PVALEF: variants seen among roughly 807,000 people sequenced by gnomAD.
PVALEF encodes parvalbumin-like EF-hand-containing protein.
PVALEF carries 2 observed loss-of-function variants against 1.2 expected under a neutral mutation model. The ratio of observed to expected loss-of-function variants is 1.68; its 90% CI spans 0.69 to 5.28. PVALEF has a LOEUF of 5.28. PVALEF is among the 30% of genes most tolerant of loss of function. The pLI, the probability that PVALEF is intolerant of heterozygous loss-of-function variation, is 0.06. For synonymous variants in PVALEF, 16 were observed against 6.5 expected (o/e 2.47, Z -2.24); for missense variants, 35 against 17.7 (o/e 1.97, Z -1.75).
rs376418641 is a variant in PVALEF at position 81,165,598 on chromosome 17, C to G, written c.-657C>G. ...AGCCTGAACCCCAGCTGGCTGACAC[C>G]CCCCACACCCCCAAGGGCCCTTAGT... is the stretch of plus-strand genomic sequence containing the variant. On this transcript the variant is annotated 5_prime_UTR_variant, in exon 1 of 7. Transcript: ENST00000637878. 8.7e-6 allele frequency: 12 copies of G among 1,380,254 alleles called. No homozygotes were observed. The African/African-American group carries it at 1.6e-4, about 18-fold the overall frequency. The allele number at this position is 1,380,254 out of a possible 1,614,324, so 85.5% of individuals were successfully genotyped here.
At chr17:81,179,866 T>C (rs2061547791) in intron 3 of PVALEF, among the ~76,000 whole-genome samples, 1 of 152,128 alleles carries the variant, frequency 6.6e-6, no homozygotes, top group African/African-American at 2.4e-5. Flanking sequence ...CCAGGATCTC[T>C]AGCTGTGGAG....
intron 2 of PVALEF, among the ~76,000 whole-genome samples, chr17:81,174,265 C>T (rs540825192): frequency 1.3e-5 from 2 of 152,246 alleles, no homozygotes; most frequent in East Asian, 1.9e-4. Context: ...CACTCCTGTT[C>T]AACATAGTAC....
intron 2 of PVALEF, among the ~76,000 whole-genome samples, chr17:81,171,693 T>C (rs941757376): frequency 6.6e-6 from 1 of 152,032 alleles, no homozygotes; most frequent in Non-Finnish European, 1.5e-5. Context: ...GGGGTTTCAC[T>C]GTGTTAGCCA....
intron 2 of PVALEF, among the ~76,000 whole-genome samples, chr17:81,171,669 G>T (rs2089345): frequency 0.4 from 60,074 of 151,608 alleles, 13,265 homozygotes; most frequent in African/African-American, 0.59. Flanking sequence ...TTTTTTTGTA[G>T]TTTTAGTAGA....
chr17:81,173,393 G>C (rs1052196949), intron 2 of PVALEF, among the ~76,000 whole-genome samples: 3 of 152,172 alleles, frequency 2.0e-5, no homozygotes, highest in African/African-American at 7.2e-5. Context: ...GGCCCAGTGG[G>C]CCACCTCCAT....
chr17:81,167,302 C>T (rs1364026373), intron 2 of PVALEF, among the ~76,000 whole-genome samples: 2 of 152,054 alleles, frequency 1.3e-5, no homozygotes, highest in East Asian at 1.9e-4. Context: ...AAAAAAGTGT[C>T]CTGGAGACTT....
At chr17:81,181,026 G>C (rs2061551796) in intron 3 of PVALEF, 97 bp from the exon 4 acceptor site, 3 of 533,964 alleles carry the variant, frequency 5.6e-6, no homozygotes, top group Non-Finnish European at 1.0e-5. Flanking sequence ...CTCTGCCTGT[G>C]CCCAGACCCC....
At chr17:81,172,147 C>T (rs1267025580) in intron 2 of PVALEF, among the ~76,000 whole-genome samples, 1 of 152,214 alleles carries the variant, frequency 6.6e-6, no homozygotes, top group Admixed American at 6.5e-5. Flanking sequence ...AGCTGAGTTA[C>T]GTTCCATTGT....
In PVALEF at chr17:81,165,601, C is replaced by T. The variant is rs570761817; in HGVS notation, c.-654C>T. ...CTGAACCCCAGCTGGCTGACACCCCCCACACCCCCAAGGGCCCTTAGTCTG... is the reference window on the plus strand; with the variant it reads ...CTGAACCCCAGCTGGCTGACACCCCTCACACCCCCAAGGGCCCTTAGTCTG... On this transcript the variant is annotated 5_prime_UTR_variant, in exon 1 of 7. Transcript: ENST00000637878. 7.2e-7 allele frequency: 1 copy of T among 1,394,750 alleles called. No individual in the cohort carries two copies. The highest frequency in any genetic ancestry group is 2.1e-5 in the Admixed American group (1 of 46,800). The allele number at this position is 1,394,750 out of a possible 1,614,324, so 86.4% of individuals were successfully genotyped here. A position where few individuals can be genotyped will look rare whatever the true frequency, so the allele number is the denominator to read the frequency against.
At chr17:81,177,883 G>T (rs570351952) in intron 2 of PVALEF, among the ~76,000 whole-genome samples, 1 of 152,306 alleles carries the variant, frequency 6.6e-6, no homozygotes, top group African/African-American at 2.4e-5. Context: ...GCCACTAATT[G>T]CTGCTGGGGC....
At chr17:81,182,849 C>T in intron 6 of PVALEF, 116 bp from the exon 7 acceptor site, 1 of 395,972 alleles carries the variant, frequency 2.5e-6, no homozygotes, top group East Asian at 3.6e-5. Flanking sequence ...GGACAGGACC[C>T]CCTGGACTGT....
At chr17:81,168,740 C>T (rs1023347445) in intron 2 of PVALEF, among the ~76,000 whole-genome samples, 1 of 152,090 alleles carries the variant, frequency 6.6e-6, no homozygotes, top group Non-Finnish European at 1.5e-5. Flanking sequence ...AGGCCAAGAA[C>T]CCAGCAGGAA....
intron 1 of PVALEF, chr17:81,166,054 C>G: frequency 4.2e-6 from 5 of 1,190,332 alleles, no homozygotes; most frequent in Non-Finnish European, 5.3e-6. Context: ...CCCGCGGCCC[C>G]GGCCCGAGCC....
intron 2 of PVALEF, among the ~76,000 whole-genome samples, chr17:81,171,429 C>A (rs2061520008): frequency 6.6e-6 from 1 of 152,226 alleles, no homozygotes; most frequent in Non-Finnish European, 1.5e-5. Context: ...GCTCACACTG[C>A]AGATGCTTCC....
intron 2 of PVALEF, among the ~76,000 whole-genome samples, chr17:81,169,869 CGT>C (rs1366531453): frequency 1.3e-5 from 2 of 151,036 alleles, no homozygotes; most frequent in African/African-American, 2.4e-5. Context: ...TGTTCAGTTG[CGT>C]GTGTTGGTGT....
At chr17:81,171,053 C>T (rs1329651286) in intron 2 of PVALEF, among the ~76,000 whole-genome samples, 1 of 152,206 alleles carries the variant, frequency 6.6e-6, no homozygotes, top group African/African-American at 2.4e-5. Context: ...GCCAACCCTG[C>T]GGGGGTCAGT....
In PVALEF at chr17:81,178,881, CACTGGTGCCCTCTCTTCCTCCCTAA is replaced by C; in HGVS notation, c.-339-36_-339-12del. The C allele has an allele frequency of 4.3e-6, 1 of 235,022 alleles. No homozygotes were observed. 14.6% of individuals were successfully genotyped at this position (235,022 alleles called of 1,614,324 possible). A position where few individuals can be genotyped will look rare whatever the true frequency, so the allele number is the denominator to read the frequency against. ...GGCCTCGGTCACCTGCTCACTGGCT[CACTGGTGCCCTCTCTTCCTCCCTAA>C]CCCCGCCCCAGGTTTGGGGAGGCCA... On this transcript the variant is annotated splice_polypyrimidine_tract_variant and intron_variant, in intron 2 of 6. Transcript: ENST00000637878.
At chr17:81,172,914 G>A (rs1351600925) in intron 2 of PVALEF, among the ~76,000 whole-genome samples, 1 of 152,084 alleles carries the variant, frequency 6.6e-6, no homozygotes, top group Non-Finnish European at 1.5e-5. Flanking sequence ...TCAGCTCTGT[G>A]TAAGAACCAG....
chr17:81,173,154 G>T (rs941559191), intron 2 of PVALEF, among the ~76,000 whole-genome samples: 5 of 152,160 alleles, frequency 3.3e-5, no homozygotes, highest in African/African-American at 1.2e-4. Flanking sequence ...CCGGCGAGGG[G>T]AGAGGTGCTC....
Sources: gnomAD v4.1 joint callset for allele counts (sites outside exome capture counted in the v4.1 genomes callset) on GRCh38, gnomAD v4.1.1 for gene constraint, MANE v1.5 for transcripts, NCBI Gene and HGNC (gene_info 2026-07-23, HGNC 2026-07-21) for gene names.